SLC22A14: variants seen among roughly 807,000 people sequenced by gnomAD.
SLC22A14 encodes the protein organic cation transporter-like 4.
A neutral mutation model predicts 53.9 loss-of-function variants in SLC22A14; 50 were observed. The observed-to-expected ratio is 0.93, with a 90% CI of 0.74 to 1.17. The LOEUF is 1.17. Among genes scored for constraint, SLC22A14 ranks in the 50% most tolerant of loss-of-function variants. The probability of loss-of-function intolerance (pLI) is 0.00; values close to 1 mark genes in which losing one functional copy is unlikely to be tolerated. For missense variants in SLC22A14, 671 were observed against 734.7 expected (o/e 0.91, Z 1.00); for synonymous variants, 312 against 303.0 (o/e 1.03, Z -0.31).
intron 2 of SLC22A14, among the ~76,000 whole-genome samples, chr3:38,306,999 C>T (rs996166014): frequency 2.0e-5 from 3 of 152,222 alleles, no homozygotes; most frequent in African/African-American, 7.2e-5. Context: ...TGCCTTTGCT[C>T]AGCTACCCCC....
chr3:38,281,750 A>C (rs1040359759), upstream of SLC22A14, among the ~76,000 whole-genome samples: 10 of 152,212 alleles, frequency 6.6e-5, no homozygotes, highest in Admixed American at 5.9e-4. Flanking sequence ...AATTTTGTTG[A>C]GGTCCTAAGT....
chr3:38,315,824 A>AC, intron 9 of SLC22A14, 113 bp downstream of exon 9: 1 of 1,124,922 alleles, frequency 8.9e-7, no homozygotes. Flanking sequence ...ACTGTGCTAA[A>AC]CAGTTTACAT....
At position 38,308,986 on chromosome 3, in the gene SLC22A14, C is replaced by T; in HGVS notation, c.808C>T (p.His270Tyr). ...GTGGTTAGTGGGTGAGCACCGGGCCCATGCCATTATCCTGGGACACTGCTT... is the reference window on the plus strand; with the variant it reads ...GTGGTTAGTGGGTGAGCACCGGGCCTATGCCATTATCCTGGGACACTGCTT... ...TEWLVGEHRA[H>Y]AIILGHCFFA... Residue 270 changes from histidine to tyrosine, a missense_variant, in exon 5 of 11, where the codon CAT (histidine) becomes TAT (tyrosine). Transcript: ENST00000448498. 6.2e-7 allele frequency: 1 copy of T among 1,614,168 alleles called. No individual in the cohort carries two copies. Among genetic ancestry groups the T allele is most frequent in the Non-Finnish European group, 8.5e-7 (1 of 1,179,966 alleles).
In SLC22A14 at chr3:38,313,995, C is replaced by T. The variant is rs1489130414; in HGVS notation, c.1378+54C>T. 2.0e-6 allele frequency: 3 copies of T among 1,525,006 alleles called. No homozygotes were observed. In the African/African-American group the frequency reaches 4.1e-5, roughly 21 times the overall value. 94.5% of individuals were successfully genotyped at this position (1,525,006 alleles called of 1,614,324 possible). ...CCCACAGCCTTCCTGCTTCCCAAAA[C>T]CCCTCCCCAGTGCCGCCTGCCACGG... is the stretch of plus-strand genomic sequence containing the variant. On this transcript the variant is annotated intron_variant, in intron 8 of 10. Coordinates refer to ENST00000448498, the MANE Select transcript of SLC22A14 (RefSeq NM_001320033.2).
chr3:38,312,014 C>T (rs72867260), intron 5 of SLC22A14, among the ~76,000 whole-genome samples: 29,200 of 152,022 alleles, frequency 0.19, 2,956 homozygotes, highest in African/African-American at 0.23. Context: ...AAAATGATGA[C>T]TGATTGCTGA....
In SLC22A14 at chr3:38,306,270, T is replaced by C; in HGVS notation, c.244T>C (p.Phe82Leu). ...LTFIPSIMSA[F>L]FMFADHFVFT... ...CTTTATCCCCAGCATCATGTCGGCC[T>C]TCTTCATGTTTGCTGACCACTTCGT... Residue 82 changes from phenylalanine (F) to leucine (L), a missense_variant, in exon 2 of 11, where the codon TTC (phenylalanine) becomes CTC (leucine). Coordinates refer to ENST00000448498, the MANE Select transcript of SLC22A14 (RefSeq NM_001320033.2). 1 of 1,614,194 alleles carries C rather than the reference T, an allele frequency of 6.2e-7. No homozygotes were observed. The highest frequency in any genetic ancestry group is 1.1e-5 in the South Asian group (1 of 91,080).
At chr3:38,293,189 T>G (rs4955404) in intron 1 of SLC22A14, among the ~76,000 whole-genome samples, 9,769 of 152,190 alleles carry the variant, frequency 0.064, 366 homozygotes, top group East Asian at 0.16. Context: ...GTGATGCCCT[T>G]GACATAAGGG....
At chr3:38,305,901 C>T (rs1039275926) in intron 1 of SLC22A14, 126 bp from the exon 2 acceptor site, 11 of 893,624 alleles carry the variant, frequency 1.2e-5, no homozygotes, top group African/African-American at 1.0e-4. Flanking sequence ...CTACTGAGAA[C>T]GTCAAGGTTG....
chr3:38,297,071 G>A (rs554087109), intron 1 of SLC22A14, among the ~76,000 whole-genome samples: 16 of 152,340 alleles, frequency 1.1e-4, no homozygotes, highest in Middle Eastern at 3.4e-3. Context: ...GAGGGTAGCC[G>A]TTGCCAGCTC....
rs1209768426 is a variant in SLC22A14, at chr3:38,307,346, C to T, written c.609C>T (p.Leu203=). ...GLPIGSLIFR[L]ITDKMGRYPA... is the part of the protein sequence containing the mutation. ...CGATAGGCTCTCTCATCTTCAGGCT[C>T]ATAACTGACAAGTGAGTCCCCGGGA... Residue 203 remains leucine (L), a synonymous_variant, in exon 3 of 11, where the codon CTC becomes CTT. Transcript: ENST00000448498. The surrounding 1 kb of genome is among the most constrained non-coding windows in gnomAD (Gnocchi z 4.4). 1 of 1,612,892 alleles carries T rather than the reference C, an allele frequency of 6.2e-7. No homozygotes were observed. Among genetic ancestry groups the T allele is most frequent in the South Asian group, 1.1e-5 (1 of 91,070 alleles).
rs757256682 is a variant in SLC22A14, at chr3:38,306,017, C to G, written c.1-10C>G. ...CAGCAGAGACTGAGCTGCACCCTTT[C>G]TTTGGACAGATGGCAGGAGAGGAGA... On this transcript the variant is annotated splice_polypyrimidine_tract_variant and intron_variant, in intron 1 of 10. Coordinates refer to ENST00000448498, the MANE Select transcript of SLC22A14 (RefSeq NM_001320033.2). 4 of 1,602,616 alleles carry G rather than the reference C, an allele frequency of 2.5e-6. No homozygotes were observed. The highest frequency in any genetic ancestry group is 2.2e-5 in the East Asian group (1 of 44,814).
chr3:38,295,270 C>A (rs772844018), intron 1 of SLC22A14, among the ~76,000 whole-genome samples: 1 of 152,382 alleles, frequency 6.6e-6, no homozygotes, highest in South Asian at 2.1e-4. Context: ...CTTTTTCTAA[C>A]AGAATAGCCC....
Position 38,309,000 on chromosome 3 carries a change from G to T in SLC22A14, c.822G>T (p.Leu274=). ...VGEHRAHAII[L]GHCFFAVGAV... ...AGCACCGGGCCCATGCCATTATCCTGGGACACTGCTTTTTCGCTGTTGGGG... is the reference window on the plus strand; with the variant it reads ...AGCACCGGGCCCATGCCATTATCCTTGGACACTGCTTTTTCGCTGTTGGGG... Residue 274 remains leucine (L), a synonymous_variant, in exon 5 of 11, where the codon CTG becomes CTT. Coordinates refer to ENST00000448498, the MANE Select transcript of SLC22A14 (RefSeq NM_001320033.2). 1 of 1,614,146 alleles carries T rather than the reference G, an allele frequency of 6.2e-7. No individual in the cohort carries two copies. Among genetic ancestry groups the T allele is most frequent in the Non-Finnish European group, 8.5e-7 (1 of 1,179,954 alleles).
At chr3:38,317,760 T>C (rs1704662116) in intron 10 of SLC22A14, among the ~76,000 whole-genome samples, 1 of 152,218 alleles carries the variant, frequency 6.6e-6, no homozygotes, top group African/African-American at 2.4e-5. Context: ...ACATGCCTTA[T>C]CTCGCTCTAT....
At chr3:38,298,003 C>T (rs1190814213) in intron 1 of SLC22A14, among the ~76,000 whole-genome samples, 2 of 152,126 alleles carry the variant, frequency 1.3e-5, no homozygotes, top group African/African-American at 4.8e-5. Context: ...ACACTTATTA[C>T]TGCGGGATTC....
intron 10 of SLC22A14, among the ~76,000 whole-genome samples, chr3:38,316,785 C>A (rs769449923): frequency 6.6e-6 from 1 of 152,200 alleles, no homozygotes; most frequent in Non-Finnish European, 1.5e-5. Context: ...CCCCTGCCTG[C>A]CTGTCTGGAT....
intron 4 of SLC22A14, among the ~76,000 whole-genome samples, chr3:38,308,312 T>C (rs846036): frequency 6.6e-6 from 1 of 152,168 alleles, no homozygotes; most frequent in African/African-American, 2.4e-5. Context: ...GCCCTTTATA[T>C]GCATTGTCTC....
At chr3:38,303,017 G>A (rs1288549065) in intron 1 of SLC22A14, among the ~76,000 whole-genome samples, 1 of 151,992 alleles carries the variant, frequency 6.6e-6, no homozygotes, top group South Asian at 2.1e-4. Context: ...TAAATTCATT[G>A]GCATAAAGTT....
At chr3:38,293,813 T>C (rs1422802822) in intron 1 of SLC22A14, among the ~76,000 whole-genome samples, 1 of 152,216 alleles carries the variant, frequency 6.6e-6, no homozygotes, top group Non-Finnish European at 1.5e-5. Flanking sequence ...TTCTTTCCTC[T>C]GTTGTCATCC....
Sources: gnomAD v4.1 joint callset for allele counts (sites outside exome capture counted in the v4.1 genomes callset) on GRCh38, gnomAD v4.1.1 for gene constraint, Gnocchi (gnomAD v3.1) non-coding constraint, MANE v1.5 for transcripts, NCBI Gene and HGNC (gene_info 2026-07-23, HGNC 2026-07-21) for gene names.